The following ZRANB3 variants were observed in gnomAD, a reference collection of about 807,000 sequenced individuals.
ZRANB3 encodes the protein zinc finger RANBP2-type containing 3, also known as DNA annealing helicase and endonuclease ZRANB3.
A neutral mutation model predicts 133.8 loss-of-function variants in ZRANB3; 125 were observed. The ratio of observed to expected loss-of-function variants is 0.93; its 90% CI spans 0.81 to 1.08. ZRANB3 has a LOEUF of 1.08. Among genes scored for constraint, ZRANB3 ranks in the 50% least tolerant of loss-of-function variants. The pLI, the probability that ZRANB3 is intolerant of heterozygous loss-of-function variation, is 0.00. For synonymous variants in ZRANB3, 387 were observed against 432.7 expected, an observed-to-expected ratio of 0.89 and a Z score of 1.31; for missense variants, 1,229 against 1,275.5, an observed-to-expected ratio of 0.96 and a Z score of 0.56.
At chr2:135,323,986 C>A (rs1683671576) in intron 6 of ZRANB3, among the ~76,000 whole-genome samples, 2 of 152,050 alleles carry the variant, frequency 1.3e-5, no homozygotes, top group African/African-American at 4.8e-5. Flanking sequence ...TCAGGCTGGT[C>A]TCGAACTCCT....
chr2:135,463,417 A>G (rs1408901053), intron 2 of ZRANB3, among the ~76,000 whole-genome samples: 1 of 151,642 alleles, frequency 6.6e-6, no homozygotes, highest in Non-Finnish European at 1.5e-5. Flanking sequence ...AGATAGGAAT[A>G]TGTTGTTTTT....
At position 135,220,654 on chromosome 2, in the gene ZRANB3, C is replaced by T. The variant is rs1432181851; in HGVS notation, c.2251-1476G>A. On this transcript the variant is annotated intron_variant, in intron 15 of 20. Coordinates refer to ENST00000264159, the MANE Select transcript of ZRANB3 (RefSeq NM_032143.4). ...CAGAGATTACAGTGAGCCTAGATCC[C>T]GCCACTGCACTCCAGCCTGGGTGGC... 2.7e-5 allele frequency among the ~76,000 whole-genome samples: 4 copies of T among 146,370 alleles called. No individual in the cohort carries two copies. The South Asian group carries it at 6.6e-4, about 24-fold the overall frequency.
At chr2:135,249,755 G>T (rs1305020931) in intron 12 of ZRANB3, among the ~76,000 whole-genome samples, 1 of 152,156 alleles carries the variant, frequency 6.6e-6, no homozygotes. Flanking sequence ...GCCATATAAA[G>T]AAAGTGTCTT....
At chr2:135,211,570 A>G (rs1249055377) in intron 17 of ZRANB3, among the ~76,000 whole-genome samples, 1 of 152,140 alleles carries the variant, frequency 6.6e-6, no homozygotes, top group Non-Finnish European at 1.5e-5. Flanking sequence ...AGAAACCCGT[A>G]CCCACTAGCA....
intron 2 of ZRANB3, among the ~76,000 whole-genome samples, chr2:135,472,644 A>G (rs958234259): frequency 6.6e-6 from 1 of 152,170 alleles, no homozygotes; most frequent in African/African-American, 2.4e-5. Flanking sequence ...GCCATTGTCC[A>G]TATTTCATCA....
intron 3 of ZRANB3, among the ~76,000 whole-genome samples, chr2:135,388,291 A>G (rs1687071793): frequency 6.6e-6 from 1 of 152,182 alleles, no homozygotes; most frequent in Admixed American, 6.5e-5. Context: ...ACATGTGGGA[A>G]TTATGGTAGC....
At chr2:135,236,784 T>C (rs1313271845) in intron 12 of ZRANB3, among the ~76,000 whole-genome samples, 1 of 152,090 alleles carries the variant, frequency 6.6e-6, no homozygotes, top group African/African-American at 2.4e-5. Context: ...ATACAAAAAT[T>C]AATTCAAGAT....
At chr2:135,473,502 A>G (rs1691369294) in intron 2 of ZRANB3, among the ~76,000 whole-genome samples, 1 of 152,108 alleles carries the variant, frequency 6.6e-6, no homozygotes, top group Non-Finnish European at 1.5e-5. Flanking sequence ...GAAAGGACTC[A>G]GGTAATGTAC....
intron 12 of ZRANB3, among the ~76,000 whole-genome samples, chr2:135,253,946 C>G (rs147842683): frequency 6.6e-5 from 10 of 152,272 alleles, no homozygotes; most frequent in African/African-American, 2.4e-4. Flanking sequence ...TGTTATTTAT[C>G]TGCTTAAAAA....
At chr2:135,377,990 T>A (rs1253879672) in intron 3 of ZRANB3, among the ~76,000 whole-genome samples, 1 of 152,230 alleles carries the variant, frequency 6.6e-6, no homozygotes, top group African/African-American at 2.4e-5. Context: ...ATCTTTCTGC[T>A]GTGCTAGATG....
chr2:135,359,612 A>C (rs1489550547), intron 3 of ZRANB3, among the ~76,000 whole-genome samples: 2 of 151,716 alleles, frequency 1.3e-5, no homozygotes, highest in Non-Finnish European at 2.9e-5. Context: ...AAAAGAAAAA[A>C]GAAAAGAAAA....
At chr2:135,529,466 T>C (rs1411929917) in intron 1 of ZRANB3, among the ~76,000 whole-genome samples, 1 of 151,602 alleles carries the variant, frequency 6.6e-6, no homozygotes, top group Non-Finnish European at 1.5e-5. Flanking sequence ...TATTCATCGG[T>C]GTATTATAGT....
chr2:135,227,857 G>A lies in ZRANB3; in HGVS notation c.2113C>T (p.Pro705Ser). The change falls in exon 14 of 21, where the codon CCA becomes TCA. Residue 705 changes from proline (P) to serine (S), a missense_variant. Coordinates refer to ENST00000264159, the MANE Select transcript of ZRANB3 (RefSeq NM_032143.4). ...AGTCCGTCTTCTTTCTCAATTTTTG[G>A]TGTTTCTTCCTTGCTGTCAGCCAAC... ...GQLADSKEET[P>S]KIEKEDGLTS... 1 of 1,577,158 alleles carries A rather than the reference G, an allele frequency of 6.3e-7. No individual in the cohort carries two copies.
chr2:135,337,854 T>A (rs1684436978), intron 6 of ZRANB3, among the ~76,000 whole-genome samples: 1 of 152,220 alleles, frequency 6.6e-6, no homozygotes, highest in African/African-American at 2.4e-5. Flanking sequence ...GTCAGTTACG[T>A]AAGTACTCCT....
At chr2:135,444,727 C>G (rs531307731) in intron 2 of ZRANB3, among the ~76,000 whole-genome samples, 1 of 152,254 alleles carries the variant, frequency 6.6e-6, no homozygotes, top group East Asian at 1.9e-4. Context: ...TAAAAGAATT[C>G]TAGTGATGCT....
At chr2:135,419,236 C>CT (rs1303805869) in intron 2 of ZRANB3, among the ~76,000 whole-genome samples, 18 of 150,840 alleles carry the variant, frequency 1.2e-4, no homozygotes, top group Non-Finnish European at 3.0e-5. Context: ...CGCACCTAGG[C>CT]TTTTTTTTTC....
chr2:135,319,193 A>G (rs1683401241), intron 6 of ZRANB3, among the ~76,000 whole-genome samples: 1 of 152,078 alleles, frequency 6.6e-6, no homozygotes, highest in Non-Finnish European at 1.5e-5. Context: ...TAAAAAGTGA[A>G]GTACAAATAT....
At chr2:135,418,017 G>A (rs1005690064) in intron 2 of ZRANB3, among the ~76,000 whole-genome samples, 3 of 152,054 alleles carry the variant, frequency 2.0e-5, no homozygotes, top group East Asian at 1.9e-4. Context: ...GCTAAATGAC[G>A]AGTTAATGTG....
chr2:135,501,580 C>T (rs1019547259), intron 2 of ZRANB3, among the ~76,000 whole-genome samples: 5 of 152,078 alleles, frequency 3.3e-5, no homozygotes. Context: ...TAAAGCTTTT[C>T]TTTTTGCTGA....
Sources: gnomAD v4.1 joint callset for allele counts (sites outside exome capture counted in the v4.1 genomes callset) on GRCh38, gnomAD v4.1.1 for gene constraint, MANE v1.5 for transcripts, NCBI Gene and HGNC (gene_info 2026-07-23, HGNC 2026-07-21) for gene names.